MYOM3: variants seen among roughly 807,000 people sequenced by gnomAD.
MYOM3 encodes myomesin-3.
In MYOM3, 155 loss-of-function variants were observed where a neutral mutation model predicts 191.7. That is an observed-to-expected ratio of 0.81 (90% CI 0.71 to 0.92). MYOM3 has a LOEUF of 0.92. Ranked by LOEUF, MYOM3 falls within the 40% of genes least tolerant of loss-of-function variation. The probability of loss-of-function intolerance (pLI) is 0.00; values close to 1 mark genes in which losing one functional copy is unlikely to be tolerated. For synonymous variants in MYOM3, 757 were observed against 762.9 expected (o/e 0.99, Z 0.13); for missense variants, 1,889 against 1,890.6 (o/e 1.00, Z 0.02).
chr1:24,093,801 G>C (rs1168077515), intron 9 of MYOM3, among the ~76,000 whole-genome samples: 1 of 152,176 alleles, frequency 6.6e-6, no homozygotes, highest in Non-Finnish European at 1.5e-5. Flanking sequence ...GATCCTGATG[G>C]CTCCCATACT....
Position 24,084,754 on chromosome 1 carries a change from G to A in MYOM3, c.1799-115C>T. 8.2e-6 allele frequency: 8 copies of A among 972,644 alleles called. No individual in the cohort carries two copies. In the South Asian group the frequency reaches 1.3e-4, roughly 15 times the overall value. 60.3% of individuals were successfully genotyped at this position (972,644 alleles called of 1,614,324 possible). A position where few individuals can be genotyped will look rare whatever the true frequency, so the allele number is the denominator to read the frequency against. The stretch of plus-strand genomic sequence containing the variant: ...AAGGAGCTCCCACAGCAATCAAGGT[G>A]CATGAATTCCTGACCTGCTGGGGGC... On this transcript the variant is annotated intron_variant, in intron 15 of 36. Transcript: ENST00000374434.
At chr1:24,094,296 C>T (rs575150423) in intron 9 of MYOM3, among the ~76,000 whole-genome samples, 53 of 151,906 alleles carry the variant, frequency 3.5e-4, no homozygotes, top group Admixed American at 5.9e-4. Flanking sequence ...CTCAGCCTCC[C>T]GAGTAGCTAG....
chr1:24,081,659 C>T, intron 18 of MYOM3: 1 of 626,890 alleles, frequency 1.6e-6, no homozygotes, highest in Non-Finnish European at 2.7e-6. Context: ...ACCTTCTGGG[C>T]TCATGCAGTC....
At chr1:24,057,719 G>T (rs1643320399) in intron 36 of MYOM3, 92 bp from the exon 37 acceptor site, 3 of 1,099,790 alleles carry the variant, frequency 2.7e-6, no homozygotes, top group African/African-American at 1.6e-5. Flanking sequence ...CCCAGCTCAG[G>T]TTGCTCCCTG....
In MYOM3 at chr1:24,074,165, T is replaced by C. The variant is rs1324260994; in HGVS notation, c.2963A>G (p.Glu988Gly). The change falls in exon 23 of 37, where the codon GAG becomes GGG. Residue 988 changes from glutamate to glycine, a missense_variant. Glu to Gly is a moderately conservative substitution (Grantham distance 98, BLOSUM62 -2). Transcript: ENST00000374434. Reference sequence around the variant, plus strand: ...GAGCGGGGTAGGTGCATTACCTTCCTCGGTTAGCGTGTGGCTTGCGGAGAT... The same window carrying C: ...GAGCGGGGTAGGTGCATTACCTTCCCCGGTTAGCGTGTGGCTTGCGGAGAT... Reference protein sequence around the residue: ...EDISASHTLTEEELEKLKKLS... With the variant: ...EDISASHTLTGEELEKLKKLS... 3 of 1,613,046 alleles carry C rather than the reference T, an allele frequency of 1.9e-6. No individual in the cohort carries two copies. In the Admixed American group the frequency reaches 5.0e-5, roughly 27 times the overall value.
At position 24,111,807 on chromosome 1, in the gene MYOM3, C is replaced by T. The variant is rs539258518; in HGVS notation, c.-19+224G>A. Among the ~76,000 whole-genome samples the T allele has an allele frequency of 4.6e-5, 7 of 151,910 alleles. No individual in the cohort carries two copies. The South Asian group carries it at 1.5e-3, about 32-fold the overall frequency. ...AGCTCTCAGAAGACCCAGGGCCACACAGAACAGTGGGATGGGGCAGGGGTT... is the reference window on the plus strand; with the variant it reads ...AGCTCTCAGAAGACCCAGGGCCACATAGAACAGTGGGATGGGGCAGGGGTT... On this transcript the variant is annotated intron_variant, in intron 1 of 36. Transcript: ENST00000374434. This position sits in a 1 kb window ranked among gnomAD's most constrained non-coding sequence, Gnocchi z 4.7.
chr1:24,071,029 A>T, intron 25 of MYOM3, 88 bp downstream of exon 25: 1 of 1,471,352 alleles, frequency 6.8e-7, no homozygotes, highest in African/African-American at 1.4e-5. Context: ...CACTAGGGGG[A>T]AGTACCAGCC....
chr1:24,063,413 C>G lies in MYOM3; in HGVS notation c.3661+79G>C. 6.3e-7 allele frequency: 1 copy of G among 1,575,654 alleles called. No homozygotes were observed. Among genetic ancestry groups the G allele is most frequent in the Non-Finnish European group, 8.7e-7 (1 of 1,145,850 alleles). On this transcript the variant is annotated intron_variant, in intron 31 of 36. Coordinates refer to ENST00000374434, the MANE Select transcript of MYOM3 (RefSeq NM_152372.4). The surrounding 1 kb of genome is among the most constrained non-coding windows in gnomAD (Gnocchi z 4.5). ...TAGAAACTAAACCCACCCCCAATAGCCAAGGCCAGTGTTAGGCTGCTTGGA... is the reference window on the plus strand; with the variant it reads ...TAGAAACTAAACCCACCCCCAATAGGCAAGGCCAGTGTTAGGCTGCTTGGA...
chr1:24,064,245 C>CCT, intron 29 of MYOM3, 86 bp from the exon 30 acceptor site: 5 of 989,514 alleles, frequency 5.1e-6, no homozygotes, highest in Non-Finnish European at 7.7e-6. Flanking sequence ...GGGCTCCAGG[C>CCT]CTGCCCCTCA....
intron 5 of MYOM3, among the ~76,000 whole-genome samples, chr1:24,104,998 G>A (rs1311352094): frequency 1.3e-5 from 2 of 152,210 alleles, no homozygotes; most frequent in South Asian, 2.1e-4. Context: ...TGAATGACAC[G>A]TCTCCTTCTG....
chr1:24,109,880 T>C (rs1644024607), intron 1 of MYOM3, among the ~76,000 whole-genome samples: 1 of 152,182 alleles, frequency 6.6e-6, no homozygotes, highest in Middle Eastern at 3.2e-3. Context: ...ACAGGGCCTT[T>C]CTCCTTATAA....
At chr1:24,085,522 C>T (rs750830237) in intron 15 of MYOM3, among the ~76,000 whole-genome samples, 16 of 152,196 alleles carry the variant, frequency 1.1e-4, no homozygotes, top group Non-Finnish European at 2.1e-4. Flanking sequence ...ACGTTGGACT[C>T]ATCCAAGCTT....
At chr1:24,062,295 C>T (rs1382900547) in intron 32 of MYOM3, among the ~76,000 whole-genome samples, 186 bp from the exon 33 acceptor site, 1 of 152,186 alleles carries the variant, frequency 6.6e-6, no homozygotes, top group African/African-American at 2.4e-5. Flanking sequence ...TCATTCAATA[C>T]TGCATTCATT....
chr1:24,068,288 G>A lies in MYOM3; in HGVS notation c.3230C>T (p.Ser1077Leu), dbSNP rs759894942. 6.2e-6 allele frequency: 10 copies of A among 1,613,992 alleles called. No individual in the cohort carries two copies. Among genetic ancestry groups the A allele is most frequent in the South Asian group, 3.3e-5 (3 of 91,080 alleles). The change falls in exon 26 of 37, where the codon TCG becomes TTG. Residue 1077 changes from serine (S) to leucine (L), a missense_variant. Ser to Leu is a moderately radical substitution (Grantham distance 145, BLOSUM62 -2). Coordinates refer to ENST00000374434, the MANE Select transcript of MYOM3 (RefSeq NM_152372.4). Reference protein sequence around the residue: ...IQNLSEEDKGSYTAQLQDGKA... With the variant: ...IQNLSEEDKGLYTAQLQDGKA... ...TCCATCTTGGAGTTGAGCGGTGTAC[G>A]ACCCTTTGTCCTCCTCAGACAAGTT...
rs1401482225 is a variant in MYOM3 at position 24,067,988 on chromosome 1, C to A, written c.3337G>T (p.Asp1113Tyr). ...LLRKADAKRR[D>Y]WKRKQGPYFE... Reference sequence around the variant, plus strand: ...CTCTTACCCTGTTTTCTCTTCCAGTCCCTTCTCTTAGCATCTGCCTTCCTC... The same window carrying A: ...CTCTTACCCTGTTTTCTCTTCCAGTACCTTCTCTTAGCATCTGCCTTCCTC... The change falls in exon 27 of 37, where the codon GAC becomes TAC. Residue 1113 changes from aspartate (D) to tyrosine (Y), a missense_variant. By Grantham distance (160) the Asp-to-Tyr change is radical (BLOSUM62 -3). Transcript: ENST00000374434. 6.2e-7 allele frequency: 1 copy of A among 1,614,204 alleles called. No individual in the cohort carries two copies. The highest frequency in any genetic ancestry group is 8.5e-7 in the Non-Finnish European group (1 of 1,180,026).
chr1:24,110,510 G>A (rs1644029860), intron 1 of MYOM3, among the ~76,000 whole-genome samples: 1 of 152,202 alleles, frequency 6.6e-6, no homozygotes, highest in Admixed American at 6.5e-5. Flanking sequence ...GAAGGGGCAT[G>A]TGGTGGAGGT....
rs571792289 is a variant in MYOM3, at chr1:24,099,382, A to G, written c.656+298T>C. Among the ~76,000 whole-genome samples, 13 of 152,176 alleles carry G rather than the reference A, an allele frequency of 8.5e-5. No individual in the cohort carries two copies. In the South Asian group the frequency reaches 2.7e-3, roughly 32 times the overall value. ...ATGCCTAGTTCAGCATCCAGTCCTC[A>G]CGGCCAGCCTCTGAGTCCAAATTTC... On this transcript the variant is annotated intron_variant, in intron 6 of 36. Coordinates refer to ENST00000374434, the MANE Select transcript of MYOM3 (RefSeq NM_152372.4).
At position 24,082,613 on chromosome 1, in the gene MYOM3, A is replaced by G; in HGVS notation, c.2072T>C (p.Ile691Thr). The G allele has an allele frequency of 6.2e-7, 1 of 1,609,450 alleles. No homozygotes were observed. ...CTCACCCAGAGCCTGCTTGACCCTG[A>G]TGGGCTCGGTGGCGGCTGAGCTCTC... ...VGESSAATEP[I>T]RVKQALATPS... The change falls in exon 17 of 37, where the codon ATC becomes ACC. Residue 691 changes from isoleucine to threonine, a missense_variant. Physicochemically the swap from Ile to Thr is moderately conservative, Grantham distance 89. Coordinates refer to ENST00000374434, the MANE Select transcript of MYOM3 (RefSeq NM_152372.4).
rs569841507 is a variant in MYOM3, at chr1:24,087,477, C to T, written c.1615-650G>A. Among the ~76,000 whole-genome samples the T allele has an allele frequency of 7.9e-5, 12 of 152,304 alleles. No individual in the cohort carries two copies. Among genetic ancestry groups the T allele is most frequent in the African/African-American group, 2.6e-4 (11 of 41,558 alleles). The stretch of plus-strand genomic sequence containing the variant: ...TCGCCTGACCCCTCGGCCTGTCTGG[C>T]CACCGTTCCCTCTGCCCTTAGTCTC... On this transcript the variant is annotated intron_variant, in intron 14 of 36. Coordinates refer to ENST00000374434, the MANE Select transcript of MYOM3 (RefSeq NM_152372.4). This position sits in a 1 kb window ranked among gnomAD's most constrained non-coding sequence, Gnocchi z 4.5.
Sources: gnomAD v4.1 joint callset for allele counts (sites outside exome capture counted in the v4.1 genomes callset) on GRCh38, gnomAD v4.1.1 for gene constraint, Gnocchi (gnomAD v3.1) non-coding constraint, MANE v1.5 for transcripts, NCBI Gene and HGNC (gene_info 2026-07-23, HGNC 2026-07-21) for gene names.